PCSK5: variants seen among roughly 807,000 people sequenced by gnomAD.
The protein encoded by PCSK5 is prohormone convertase 5.
Under a neutral mutation model 233.2 loss-of-function variants are expected in PCSK5, and 129 were observed. The ratio of observed to expected loss-of-function variants is 0.55; its 90% CI spans 0.48 to 0.64. The LOEUF (loss-of-function observed/expected upper bound fraction) is 0.64. Among genes scored for constraint, PCSK5 ranks in the 30% least tolerant of loss-of-function variants. The pLI is 0.00. For missense variants in PCSK5, 2,076 were observed against 2,430.1 expected (o/e 0.85, Z 3.06); for synonymous variants, 825 against 879.2 (o/e 0.94, Z 1.09).
chr9:76,161,311 C>T (rs1307096271), intron 12 of PCSK5, among the ~76,000 whole-genome samples: 1 of 152,150 alleles, frequency 6.6e-6, no homozygotes, highest in Non-Finnish European at 1.5e-5. Flanking sequence ...CTCAGCAGGC[C>T]GCCTGCAGGG....
chr9:76,115,945 ATAAAAGT>A (rs1351874050), intron 9 of PCSK5, among the ~76,000 whole-genome samples: 1 of 152,076 alleles, frequency 6.6e-6, no homozygotes, highest in East Asian at 1.9e-4. Flanking sequence ...TTTTTGTCAC[ATAAAAGT>A]TAAAATTGTT....
At chr9:75,947,282 A>G (rs2131314710) in intron 2 of PCSK5, among the ~76,000 whole-genome samples, 1 of 152,348 alleles carries the variant, frequency 6.6e-6, no homozygotes, top group East Asian at 1.9e-4. Context: ...CAAATTTTAC[A>G]AAGCCATGAA....
chr9:76,193,486 C>T lies in PCSK5; in HGVS notation c.2626+3740C>T, dbSNP rs1269591181. On this transcript the variant is annotated intron_variant, in intron 20 of 37. Transcript: ENST00000674117. ...CTTTTCTTGCTCTCTTTTTCTTTCT[C>T]TCTCTCTCAAGTTTGTGCAGGGAGA... is the stretch of plus-strand genomic sequence containing the variant. 28 of 685,068 alleles carry T rather than the reference C, an allele frequency of 4.1e-5. No individual in the cohort carries two copies. The East Asian group carries it at 7.1e-4, about 17-fold the overall frequency. 42.4% of individuals were successfully genotyped at this position (685,068 alleles called of 1,614,324 possible).
chr9:76,335,124 C>T (rs2261202), intron 34 of PCSK5, among the ~76,000 whole-genome samples: 104,656 of 152,078 alleles, frequency 0.69, 36,711 homozygotes, highest in South Asian at 0.8. Context: ...AGCTACCTGG[C>T]TTAGCCCTTC....
chr9:76,142,436 A>AT (rs1823266246), intron 10 of PCSK5, among the ~76,000 whole-genome samples: 1 of 152,158 alleles, frequency 6.6e-6, no homozygotes, highest in Non-Finnish European at 1.5e-5. Context: ...GGTATAGAGC[A>AT]TTTCAGGCAA....
rs377236061 is a variant in PCSK5, at chr9:76,283,793, T to C, written c.3143-8440T>C. The stretch of plus-strand genomic sequence containing the variant: ...GAAGGTGGTGAAGAGGTTGAAAAAA[T>C]GGAATCTAATCATATCATTCAAACA... On this transcript the variant is annotated intron_variant, in intron 24 of 37. Transcript: ENST00000674117. Among the ~76,000 whole-genome samples, 3 of 152,360 alleles carry C rather than the reference T, an allele frequency of 2.0e-5. No homozygotes were observed. In the South Asian group the frequency reaches 6.2e-4, roughly 32 times the overall value.
chr9:76,064,041 C>G (rs1158807525), intron 5 of PCSK5, among the ~76,000 whole-genome samples: 3 of 97,100 alleles, frequency 3.1e-5, no homozygotes, highest in African/African-American at 5.3e-5. Flanking sequence ...GACGGGGCAG[C>G]TGGCCGGGCA....
intron 20 of PCSK5, among the ~76,000 whole-genome samples, chr9:76,198,732 T>A (rs1440989818): frequency 1.3e-5 from 2 of 152,226 alleles, no homozygotes; most frequent in African/African-American, 4.8e-5. Context: ...CGCCACAAAC[T>A]AGGTTCTGAG....
At chr9:75,904,214 T>G (rs966336023) in intron 1 of PCSK5, among the ~76,000 whole-genome samples, 13 of 152,144 alleles carry the variant, frequency 8.5e-5, no homozygotes, top group Non-Finnish European at 1.8e-4. Context: ...GAGTCACCCT[T>G]CTAGATCCAG....
At chr9:76,212,927 T>C (rs2036054) in intron 20 of PCSK5, among the ~76,000 whole-genome samples, 146,444 of 152,328 alleles carry the variant, frequency 0.96, 70,434 homozygotes, top group East Asian at 1. Flanking sequence ...CTTTCCCAGC[T>C]ACTTATGTAC....
rs569814587 is a variant in PCSK5 at position 76,349,159 on chromosome 9, A to G, written c.4967-1669A>G. Reference sequence around the variant, plus strand: ...CGTGGTGGCGGGCTCCTGTAGTCCCAGCTACTCAGGAGGCTAAGGCAGGAG... The same window carrying G: ...CGTGGTGGCGGGCTCCTGTAGTCCCGGCTACTCAGGAGGCTAAGGCAGGAG... On this transcript the variant is annotated intron_variant, in intron 35 of 37. Transcript: ENST00000674117. Among the ~76,000 whole-genome samples, 11 of 151,888 alleles carry G rather than the reference A, an allele frequency of 7.2e-5. No individual in the cohort carries two copies. The East Asian group carries it at 2.1e-3, about 29-fold the overall frequency.
intron 8 of PCSK5, among the ~76,000 whole-genome samples, chr9:76,101,669 G>T (rs1399795237): frequency 6.6e-6 from 1 of 152,110 alleles, no homozygotes; most frequent in Non-Finnish European, 1.5e-5. Flanking sequence ...GCCAGAGTTG[G>T]GAGAATATAT....
chr9:76,053,645 T>C (rs997101050), intron 5 of PCSK5, among the ~76,000 whole-genome samples: 1 of 152,196 alleles, frequency 6.6e-6, no homozygotes, highest in African/African-American at 2.4e-5. Flanking sequence ...TTGCTTCAGT[T>C]CCCAGCAAGT....
chr9:76,297,539 C>T (rs1828478475), intron 27 of PCSK5, among the ~76,000 whole-genome samples: 2 of 152,100 alleles, frequency 1.3e-5, no homozygotes, highest in Admixed American at 1.3e-4. Context: ...TAGAACGCGC[C>T]TCCTCACACT....
intron 1 of PCSK5, among the ~76,000 whole-genome samples, chr9:75,930,267 G>T (rs916112026): frequency 2.6e-5 from 4 of 152,148 alleles, no homozygotes; most frequent in African/African-American, 9.7e-5. Context: ...AGGGAATTAT[G>T]GGAGCTACAA....
At chr9:76,198,640 A>T (rs1411263304) in intron 20 of PCSK5, among the ~76,000 whole-genome samples, 2 of 152,202 alleles carry the variant, frequency 1.3e-5, no homozygotes, top group Non-Finnish European at 1.5e-5. Context: ...TCAAGTGAAG[A>T]TAGAAAGCAC....
chr9:76,294,531 T>G (rs1417238192), intron 25 of PCSK5, among the ~76,000 whole-genome samples: 2 of 152,188 alleles, frequency 1.3e-5, no homozygotes, highest in Non-Finnish European at 2.9e-5. Context: ...CAAGCAACCT[T>G]TTCACACAGA....
intron 35 of PCSK5, 125 bp downstream of exon 35, chr9:76,338,572 T>A (rs1409021539): frequency 1.2e-5 from 8 of 662,454 alleles, no homozygotes; most frequent in African/African-American, 1.1e-4. Context: ...TCGTGTGTGA[T>A]CCTCTCCAGC....
At chr9:76,292,574 T>C (rs1316999193) in intron 25 of PCSK5, among the ~76,000 whole-genome samples, 3 of 152,154 alleles carry the variant, frequency 2.0e-5, no homozygotes, top group Non-Finnish European at 2.9e-5. Flanking sequence ...ACCTTAATAA[T>C]ATACCTGGTC....
Sources: gnomAD v4.1 joint callset for allele counts (sites outside exome capture counted in the v4.1 genomes callset) on GRCh38, gnomAD v4.1.1 for gene constraint, MANE v1.5 for transcripts, NCBI Gene and HGNC (gene_info 2026-07-23, HGNC 2026-07-21) for gene names.